The following DENND1A variants were observed in gnomAD, a reference collection of about 807,000 sequenced individuals.
The protein encoded by DENND1A is DENN domain containing 1A.
Under a neutral mutation model 113.7 loss-of-function variants are expected in DENND1A, and 51 were observed. The ratio of observed to expected loss-of-function variants is 0.45; its 90% CI spans 0.36 to 0.57. The LOEUF is 0.57. DENND1A is among the 20% of genes least tolerant of loss of function. DENND1A has a pLI of 0.00. For missense variants in DENND1A, 1,258 were observed against 1,395.9 expected, an observed-to-expected ratio of 0.90 and a Z score of 1.57; for synonymous variants, 565 against 570.8, an observed-to-expected ratio of 0.99 and a Z score of 0.14.
chr9:123,696,474 G>T (rs984036214), intron 5 of DENND1A, among the ~76,000 whole-genome samples: 1 of 152,182 alleles, frequency 6.6e-6, no homozygotes, highest in African/African-American at 2.4e-5. Flanking sequence ...GGTGGAGAGT[G>T]GGTACAGTAG....
At chr9:123,823,522 T>G (rs963768353) in intron 2 of DENND1A, among the ~76,000 whole-genome samples, 6 of 152,148 alleles carry the variant, frequency 3.9e-5, no homozygotes, top group African/African-American at 1.2e-4. Flanking sequence ...TGGGGCACAC[T>G]AAGGACTGAG....
At position 123,477,120 on chromosome 9, in the gene DENND1A, G is replaced by T. The variant is rs1002148304; in HGVS notation, c.994-19223C>A. 2.6e-5 allele frequency among the ~76,000 whole-genome samples: 4 copies of T among 152,236 alleles called. No homozygotes were observed. The South Asian group carries it at 6.2e-4, about 24-fold the overall frequency. On this transcript the variant is annotated intron_variant, in intron 13 of 23. Coordinates refer to ENST00000394215, the MANE Select transcript of DENND1A (RefSeq NM_001352964.2). ...CAGGGTATTCCATGAGCAGCTGAAG[G>T]TCATTTCAATAGTGAGTGAAGAGAC...
intron 2 of DENND1A, among the ~76,000 whole-genome samples, chr9:123,823,695 C>T (rs1838862477): frequency 6.6e-6 from 1 of 152,162 alleles, no homozygotes; most frequent in African/African-American, 2.4e-5. Flanking sequence ...TGGGTAACCA[C>T]AGTAGCCTGA....
At chr9:123,722,880 G>T (rs377057207) in intron 5 of DENND1A, among the ~76,000 whole-genome samples, 1 of 152,228 alleles carries the variant, frequency 6.6e-6, no homozygotes, top group African/African-American at 2.4e-5. Flanking sequence ...CCCACACAGA[G>T]TCCCTACTGA....
chr9:123,611,210 T>G (rs1421755183), intron 10 of DENND1A, among the ~76,000 whole-genome samples: 1 of 152,184 alleles, frequency 6.6e-6, no homozygotes, highest in Non-Finnish European at 1.5e-5. Flanking sequence ...GTATCTGCTG[T>G]GTGTATTCAG....
At chr9:123,693,973 G>T (rs1290680012) in intron 5 of DENND1A, among the ~76,000 whole-genome samples, 1 of 151,318 alleles carries the variant, frequency 6.6e-6, no homozygotes, top group East Asian at 1.9e-4. Flanking sequence ...GACTTCAGGC[G>T]TGTGCCACCG....
At chr9:123,680,273 C>T (rs1318645595) in intron 5 of DENND1A, among the ~76,000 whole-genome samples, 1 of 152,162 alleles carries the variant, frequency 6.6e-6, no homozygotes, top group Non-Finnish European at 1.5e-5. Flanking sequence ...CAGGCTCTAC[C>T]CTCACTCCCA....
chr9:123,460,307 C>G (rs993526159), intron 13 of DENND1A, among the ~76,000 whole-genome samples: 1 of 152,226 alleles, frequency 6.6e-6, no homozygotes, highest in African/African-American at 2.4e-5. Context: ...AATTCCATTC[C>G]TGTGGCTTGG....
chr9:123,426,597 T>C (rs1412412104), intron 19 of DENND1A, among the ~76,000 whole-genome samples: 1 of 152,016 alleles, frequency 6.6e-6, no homozygotes, highest in Non-Finnish European at 1.5e-5. Flanking sequence ...CAAACACAGG[T>C]CCTAGGTGCA....
chr9:123,805,817 C>A (rs1309698770), intron 2 of DENND1A, among the ~76,000 whole-genome samples: 1 of 152,192 alleles, frequency 6.6e-6, no homozygotes, highest in Non-Finnish European at 1.5e-5. Context: ...GTCTTAGCCA[C>A]CCATGTGGAC....
chr9:123,515,774 C>T (rs1242023284), intron 13 of DENND1A, among the ~76,000 whole-genome samples: 1 of 152,076 alleles, frequency 6.6e-6, no homozygotes, highest in African/African-American at 2.4e-5. Flanking sequence ...TGGTGGCTCA[C>T]ACCTATAGTA....
chr9:123,786,978 A>G (rs552281222), intron 3 of DENND1A, among the ~76,000 whole-genome samples: 1 of 152,304 alleles, frequency 6.6e-6, no homozygotes, highest in South Asian at 2.1e-4. Flanking sequence ...GATACACCCA[A>G]GTTCAATTCC....
intron 12 of DENND1A, among the ~76,000 whole-genome samples, chr9:123,571,201 A>G (rs899256629): frequency 2.2e-4 from 34 of 152,334 alleles, no homozygotes; most frequent in African/African-American, 7.2e-4. Flanking sequence ...GCTCATGTAC[A>G]TAAATCATCT....
intron 16 of DENND1A, 119 bp from the exon 17 acceptor site, chr9:123,452,466 A>ATT: frequency 1.3e-6 from 1 of 795,688 alleles, no homozygotes; most frequent in South Asian, 1.5e-5. Flanking sequence ...ATGCACATCG[A>ATT]GAAATAGGCC....
intron 13 of DENND1A, among the ~76,000 whole-genome samples, chr9:123,463,814 CAGG>C (rs1377808662): frequency 6.8e-6 from 1 of 147,482 alleles, no homozygotes; most frequent in Non-Finnish European, 1.5e-5. Flanking sequence ...GAGGCTGAGG[CAGG>C]AGAATCACTT....
At chr9:123,452,578 A>G (rs563587218) in intron 16 of DENND1A, among the ~76,000 whole-genome samples, 36 of 151,906 alleles carry the variant, frequency 2.4e-4, no homozygotes, top group African/African-American at 6.0e-4. Context: ...AGGAGTGTGA[A>G]TTGATGGAAG....
chr9:123,667,092 AG>A lies in DENND1A; in HGVS notation c.454-14del, dbSNP rs1231596402. 6.3e-7 allele frequency: 1 copy of A among 1,595,346 alleles called. No individual in the cohort carries two copies. The highest frequency in any genetic ancestry group is 8.5e-7 in the Non-Finnish European group (1 of 1,174,062). The stretch of plus-strand genomic sequence containing the variant: ...TAAAATAAGAATGCTAGAAAAGAAA[AG>A]CAAAAGTGATTTATTTCTGCTAAAA... On this transcript the variant is annotated splice_polypyrimidine_tract_variant and intron_variant, in intron 7 of 23. Coordinates refer to ENST00000394215, the MANE Select transcript of DENND1A (RefSeq NM_001352964.2).
At chr9:123,684,740 T>A (rs1268664670) in intron 5 of DENND1A, among the ~76,000 whole-genome samples, 2 of 152,230 alleles carry the variant, frequency 1.3e-5, no homozygotes, top group African/African-American at 4.8e-5. Flanking sequence ...AAATGTTCCA[T>A]CAATGGCATC....
chr9:123,856,101 G>A (rs1177450615), intron 2 of DENND1A, among the ~76,000 whole-genome samples: 2 of 152,162 alleles, frequency 1.3e-5, no homozygotes, highest in Non-Finnish European at 2.9e-5. Flanking sequence ...CCAGAACTAA[G>A]TCAATGGCAA....
Sources: allele counts gnomAD v4.1 joint callset (sites outside exome capture counted in the v4.1 genomes callset), GRCh38; gene constraint gnomAD v4.1.1; transcripts MANE v1.5; gene names NCBI Gene and HGNC (gene_info 2026-07-23, HGNC 2026-07-21).